PHF23: variants seen among roughly 807,000 people sequenced by gnomAD.
PHF23 encodes PDH-containing protein JUNE-1.
In PHF23, 3 loss-of-function variants were observed where a neutral mutation model predicts 36.0. The ratio of observed to expected loss-of-function variants is 0.08; its 90% CI spans 0.04 to 0.22. PHF23 has a LOEUF of 0.22. Among genes scored for constraint, PHF23 ranks in the 10% least tolerant of loss-of-function variants. The pLI is 1.00. For missense variants in PHF23, 475 were observed against 513.6 expected, an observed-to-expected ratio of 0.92 and a Z score of 0.73; for synonymous variants, 242 against 192.5, an observed-to-expected ratio of 1.26 and a Z score of -2.13.
At chr17:7,238,835 G>C in intron 1 of PHF23, 15 of 1,533,016 alleles carry the variant, frequency 9.8e-6, no homozygotes, top group Non-Finnish European at 1.3e-5. Context: ...TCGGAGCTCC[G>C]GTACCACCGC....
In PHF23 at chr17:7,235,617, T is replaced by G. The variant is rs1273910944; in HGVS notation, c.*9A>C. 1 of 1,611,786 alleles carries G rather than the reference T, an allele frequency of 6.2e-7. No homozygotes were observed. The highest frequency in any genetic ancestry group is 8.5e-7 in the Non-Finnish European group (1 of 1,179,894). On this transcript the variant is annotated 3_prime_UTR_variant, in exon 5 of 5. Coordinates refer to ENST00000320316, the MANE Select transcript of PHF23 (RefSeq NM_024297.3). ...GTCATTTGGAAGTTCCAGGCTAAAGTTGGTGCCATCAGGGCTCTCCAGATT... is the reference window on the plus strand; with the variant it reads ...GTCATTTGGAAGTTCCAGGCTAAAGGTGGTGCCATCAGGGCTCTCCAGATT...
intron 1 of PHF23, chr17:7,238,034 C>A: frequency 4.3e-6 from 1 of 233,442 alleles, no homozygotes; most frequent in Non-Finnish European, 8.3e-6. Flanking sequence ...CACACGCGCC[C>A]GGAGCCCCGA....
intron 4 of PHF23, 40 bp from the exon 5 acceptor site, chr17:7,235,880 G>A (rs945177299): frequency 1.9e-6 from 3 of 1,613,446 alleles, no homozygotes; most frequent in Non-Finnish European, 1.7e-6. Context: ...TGCCTGAGCT[G>A]TTGGATCCAC....
chr17:7,240,646 G>A (rs2071765968), upstream of PHF23: 2 of 543,584 alleles, frequency 3.7e-6, no homozygotes, highest in African/African-American at 1.9e-5. Flanking sequence ...GCAGAGAAAG[G>A]GGAAGAAAGG....
At position 7,239,304 on chromosome 17, in the gene PHF23, G is replaced by A. The variant is rs1223770627; in HGVS notation, c.-25C>T. On this transcript the variant is annotated 5_prime_UTR_variant, in exon 1 of 5. Transcript: ENST00000320316. ...TCGCCCCCTCCCCTCCTCCCGGTCC[G>A]GCGCCCCCCTCCCCGGAGCCGGGGA... is the stretch of plus-strand genomic sequence containing the variant. 3.1e-6 allele frequency: 4 copies of A among 1,272,414 alleles called. No homozygotes were observed. The highest frequency in any genetic ancestry group is 3.0e-5 in the African/African-American group (2 of 66,748). 78.8% of individuals were successfully genotyped at this position (1,272,414 alleles called of 1,614,324 possible).
chr17:7,236,875 C>G lies in PHF23; in HGVS notation c.160-108G>C. On this transcript the variant is annotated intron_variant, in intron 3 of 4. Transcript: ENST00000320316. The surrounding 1 kb of genome is among the most constrained non-coding windows in gnomAD (Gnocchi z 5.1). ...CTGGATTTACCCCAAAATGTCCTAC[C>G]TCAACCACTAAATCCCACTGTACTC... 4.1e-6 allele frequency: 6 copies of G among 1,469,918 alleles called. No homozygotes were observed. The highest frequency in any genetic ancestry group is 5.4e-6 in the Non-Finnish European group (6 of 1,120,362). 91.1% of individuals were successfully genotyped at this position (1,469,918 alleles called of 1,614,324 possible).
In PHF23 at chr17:7,236,174, CTCCTCCTCTTCA is replaced by C. The variant is rs778779657; in HGVS notation, c.741_752del (p.Glu258_Glu261del). 7 of 1,610,618 alleles carry C rather than the reference CTCCTCCTCTTCA, an allele frequency of 4.3e-6. No homozygotes were observed. Among genetic ancestry groups the C allele is most frequent in the Admixed American group, 1.7e-5 (1 of 59,764 alleles). ...CTTCTTCTTCCTCTTCCTCCTCTTCCTCCTCCTCTTCAGAGTCTGTATCACTGGGGGGTGCCT... is the reference window on the plus strand; with the variant it reads ...CTTCTTCTTCCTCTTCCTCCTCTTCCGAGTCTGTATCACTGGGGGGTGCCT... On this transcript the variant is annotated inframe_deletion, in exon 4 of 5. Transcript: ENST00000320316. This position sits in a 1 kb window ranked among gnomAD's most constrained non-coding sequence, Gnocchi z 5.1.
At chr17:7,238,859 A>G in intron 1 of PHF23, 1 of 1,529,988 alleles carries the variant, frequency 6.5e-7, no homozygotes, top group Non-Finnish European at 8.7e-7. Context: ...AAACTACCCC[A>G]CCTCGGCGAA....
chr17:7,237,840 C>T, intron 1 of PHF23, 180 bp from the exon 2 acceptor site: 1 of 701,970 alleles, frequency 1.4e-6, no homozygotes, highest in Non-Finnish European at 2.3e-6. Flanking sequence ...AGGGGCGGAG[C>T]CTGGGCGCGG....
At chr17:7,238,837 T>C in intron 1 of PHF23, 1 of 1,533,648 alleles carries the variant, frequency 6.5e-7, no homozygotes, top group Non-Finnish European at 8.7e-7. Context: ...GGAGCTCCGG[T>C]ACCACCGCCA....
Position 7,235,274 on chromosome 17 carries a change from G to A in PHF23, c.*352C>T, listed in dbSNP as rs1020196821. 3.4e-5 allele frequency: 10 copies of A among 293,682 alleles called. No individual in the cohort carries two copies. Among genetic ancestry groups the A allele is most frequent in the African/African-American group, 8.6e-5 (4 of 46,632 alleles). The allele number at this position is 293,682 out of a possible 1,614,324, so 18.2% of individuals were successfully genotyped here. ...GGAGTGAAATAGAAGAAAAGATGAG[G>A]GAGGGGAGTGCTAATATTTACACTA... is the stretch of plus-strand genomic sequence containing the variant. On this transcript the variant is annotated 3_prime_UTR_variant, in exon 5 of 5. Transcript: ENST00000320316.
intron 1 of PHF23, chr17:7,238,705 T>G: frequency 8.3e-7 from 1 of 1,205,058 alleles, no homozygotes; most frequent in Non-Finnish European, 1.1e-6. Flanking sequence ...GCTCGCTCTC[T>G]CCACAACTAC....
chr17:7,236,381 G>C lies in PHF23; in HGVS notation c.546C>G (p.Asp182Glu), dbSNP rs775574963. The change falls in exon 4 of 5, where the codon GAC becomes GAG. Residue 182 changes from aspartate to glutamate, a missense_variant. By Grantham distance (45) the Asp-to-Glu change is conservative. Transcript: ENST00000320316. The surrounding 1 kb of genome is among the most constrained non-coding windows in gnomAD (Gnocchi z 5.1). ...CTGGCCCCAACTTTCGGTTCTTTCG[G>C]TCCTTCTTTCGAGGAGGATGGGAGA... ...GDLSHPPRKK[D>E]RKNRKLGPGA... 6.2e-7 allele frequency: 1 copy of C among 1,614,112 alleles called. No individual in the cohort carries two copies.
At chr17:7,240,075 A>C (rs180786325), upstream of PHF23, 1 of 152,370 alleles carries the variant, frequency 6.6e-6, no homozygotes, top group Admixed American at 6.5e-5. Context: ...TGTTCTAGCA[A>C]ATGTGGATGT....
chr17:7,236,987 G>A lies in PHF23; in HGVS notation c.160-220C>T, dbSNP rs971856736. Among the ~76,000 whole-genome samples, 3 of 152,068 alleles carry A rather than the reference G, an allele frequency of 2.0e-5. No homozygotes were observed. The highest frequency in any genetic ancestry group is 4.8e-5 in the African/African-American group (2 of 41,374). On this transcript the variant is annotated intron_variant, in intron 3 of 4. Coordinates refer to ENST00000320316, the MANE Select transcript of PHF23 (RefSeq NM_024297.3). This position sits in a 1 kb window ranked among gnomAD's most constrained non-coding sequence, Gnocchi z 5.1. ...CTACCCTCAAGTCTGACACCTCACC[G>A]CTGCCCCTGCCCAGGGCCTGTGGAA...
intron 1 of PHF23, chr17:7,238,792 G>C (rs1352919054): frequency 2.0e-6 from 3 of 1,530,136 alleles, no homozygotes; most frequent in Non-Finnish European, 8.7e-7. Flanking sequence ...CCACCTCTCC[G>C]ACAATCACCG....
Position 7,235,420 on chromosome 17 carries a change from C to T in PHF23, c.*206G>A. 2 of 593,090 alleles carry T rather than the reference C, an allele frequency of 3.4e-6. No individual in the cohort carries two copies. 36.7% of individuals were successfully genotyped at this position (593,090 alleles called of 1,614,324 possible). ...ACACAGACAGCCTCCCATCCCCAACCGTAATGGATTCAATTTCAAGTCCAC... is the reference window on the plus strand; with the variant it reads ...ACACAGACAGCCTCCCATCCCCAACTGTAATGGATTCAATTTCAAGTCCAC... On this transcript the variant is annotated 3_prime_UTR_variant, in exon 5 of 5. Transcript: ENST00000320316.
chr17:7,235,961 C>T lies in PHF23; in HGVS notation c.966G>A (p.Arg322=). Residue 322 remains arginine, a synonymous_variant, in exon 4 of 5, where the codon CGG becomes CGA. Coordinates refer to ENST00000320316, the MANE Select transcript of PHF23 (RefSeq NM_024297.3). ...CTACCATGATGTCCTCGTCCATGAC[C>T]CGCATCTCGCCTTCACTGGAGCTGG... ...GDASSSEGEM[R]VMDEDIMVES... 1 of 1,612,426 alleles carries T rather than the reference C, an allele frequency of 6.2e-7. No individual in the cohort carries two copies. The highest frequency in any genetic ancestry group is 1.3e-5 in the African/African-American group (1 of 75,058).
chr17:7,240,239 CA>C (rs2071761948), upstream of PHF23: 1 of 152,340 alleles, frequency 6.6e-6, no homozygotes, highest in Non-Finnish European at 1.5e-5. Flanking sequence ...TCCATCACAA[CA>C]AAAGCACCCT....
Sources: gnomAD v4.1 joint callset for allele counts (sites outside exome capture counted in the v4.1 genomes callset) on GRCh38, gnomAD v4.1.1 for gene constraint, Gnocchi (gnomAD v3.1) non-coding constraint, MANE v1.5 for transcripts, NCBI Gene and HGNC (gene_info 2026-07-23, HGNC 2026-07-21) for gene names.